Variants in DAB1 observed in about 807,000 individuals in gnomAD.
DAB1 encodes the protein DAB adaptor protein 1.
Under a neutral mutation model 64.6 loss-of-function variants are expected in DAB1, and 15 were observed. The observed-to-expected ratio is 0.23, with a 90% CI of 0.16 to 0.36. DAB1 has a LOEUF of 0.36. Ranked by LOEUF, DAB1 falls within the 10% of genes least tolerant of loss-of-function variation. The pLI is 1.00. For missense variants in DAB1, 596 were observed against 706.7 expected (o/e 0.84, Z 1.78); for synonymous variants, 235 against 251.9 (o/e 0.93, Z 0.64).
intron 4 of DAB1, among the ~76,000 whole-genome samples, chr1:57,124,180 C>A (rs1656919004): frequency 1.3e-5 from 2 of 152,114 alleles, no homozygotes; most frequent in Admixed American, 6.5e-5. Flanking sequence ...AAAAGATTCC[C>A]AAACATAAGA....
At chr1:58,441,896 C>T (rs1283880444) in intron 3 of DAB1, among the ~76,000 whole-genome samples, 1 of 152,142 alleles carries the variant, frequency 6.6e-6, no homozygotes, top group Non-Finnish European at 1.5e-5. Flanking sequence ...ACTGGGACCC[C>T]CCCAGAGAGA....
At chr1:58,417,301 G>A (rs903416899) in intron 3 of DAB1, among the ~76,000 whole-genome samples, 3 of 152,228 alleles carry the variant, frequency 2.0e-5, no homozygotes, top group Non-Finnish European at 4.4e-5. Flanking sequence ...TGATGCATCA[G>A]ACCTGGGAAA....
In DAB1 at chr1:57,244,860, C is replaced by T. The variant is rs537114769; in HGVS notation, c.67+46104G>A. Among the ~76,000 whole-genome samples the T allele has an allele frequency of 7.9e-5, 12 of 152,292 alleles. No homozygotes were observed. The South Asian group carries it at 1.9e-3, about 24-fold the overall frequency. ...TATAGTAGTCAATAAACTAACGTAG[C>T]GTTCTGATATGGTTTAACTCTGTGT... On this transcript the variant is annotated intron_variant, in intron 2 of 14. Transcript: ENST00000371236.
chr1:57,003,683 T>C (rs1383953420), intron 14 of DAB1, among the ~76,000 whole-genome samples: 2 of 152,140 alleles, frequency 1.3e-5, no homozygotes, highest in African/African-American at 4.8e-5. Context: ...CATTAAGCAA[T>C]TAACTCCCCA....
At chr1:57,813,702 G>T (rs1651730240) in intron 6 of DAB1, among the ~76,000 whole-genome samples, 3 of 152,188 alleles carry the variant, frequency 2.0e-5, no homozygotes, top group African/African-American at 7.2e-5. Flanking sequence ...ATGAAACAAT[G>T]GAGGAATAAC....
At chr1:57,852,422 C>T (rs767482066) in intron 1 of DAB1, among the ~76,000 whole-genome samples, 2 of 152,112 alleles carry the variant, frequency 1.3e-5, no homozygotes, top group Non-Finnish European at 2.9e-5. Context: ...TTCCACAGCT[C>T]CACATATTTC....
chr1:58,248,784 A>T (rs536424893), intron 4 of DAB1, among the ~76,000 whole-genome samples: 2 of 152,258 alleles, frequency 1.3e-5, no homozygotes, highest in South Asian at 2.1e-4. Context: ...AAACCCCGCC[A>T]GTCATTCCAA....
intron 6 of DAB1, among the ~76,000 whole-genome samples, chr1:57,663,284 T>C (rs1281347662): frequency 6.6e-6 from 1 of 152,160 alleles, no homozygotes; most frequent in Non-Finnish European, 1.5e-5. Flanking sequence ...GTCCACCCCA[T>C]GATCCAATCA....
chr1:57,516,294 C>T (rs1476083260), intron 7 of DAB1, among the ~76,000 whole-genome samples: 1 of 152,048 alleles, frequency 6.6e-6, no homozygotes, highest in African/African-American at 2.4e-5. Flanking sequence ...CTAATGTACA[C>T]ATTAACATGT....
At chr1:58,027,387 G>A (rs115797432) in intron 5 of DAB1, among the ~76,000 whole-genome samples, 1,638 of 152,076 alleles carry the variant, frequency 0.011, 10 homozygotes, top group Middle Eastern at 0.017. Context: ...TAAAATCTGA[G>A]GTTAAGTTCT....
chr1:58,344,626 G>T (rs559944941), intron 3 of DAB1, among the ~76,000 whole-genome samples: 23 of 152,296 alleles, frequency 1.5e-4, no homozygotes, highest in African/African-American at 5.3e-4. Flanking sequence ...ATAAAACTCT[G>T]CATATCAAGA....
chr1:57,755,483 A>G (rs1470876960), intron 6 of DAB1, among the ~76,000 whole-genome samples: 1 of 152,214 alleles, frequency 6.6e-6, no homozygotes, highest in East Asian at 1.9e-4. Flanking sequence ...GGTCGATCCC[A>G]CATGAATGAA....
Position 57,141,666 on chromosome 1 carries a change from G to A in DAB1, c.207+3624C>T, listed in dbSNP as rs531448580. On this transcript the variant is annotated intron_variant, in intron 3 of 14. Coordinates refer to ENST00000371236, the MANE Select transcript of DAB1 (RefSeq NM_001365792.1). ...CAGGACTCTGACTGACATACTTAAG[G>A]TTCTGCACTTAGCTCTCCAGGCACT... Among the ~76,000 whole-genome samples, 237 of 152,134 alleles carry A rather than the reference G, an allele frequency of 1.6e-3. 1 individual carries two copies. The highest frequency in any genetic ancestry group is 3.4e-3 in the Middle Eastern group (1 of 294).
intron 6 of DAB1, among the ~76,000 whole-genome samples, chr1:57,742,389 G>A (rs894734546): frequency 2.0e-5 from 3 of 152,170 alleles, no homozygotes; most frequent in African/African-American, 7.2e-5. Context: ...GGGATCAAAA[G>A]GATGGGGGAT....
chr1:57,076,082 G>A (rs1651961284), intron 4 of DAB1, among the ~76,000 whole-genome samples: 1 of 152,194 alleles, frequency 6.6e-6, no homozygotes, highest in South Asian at 2.1e-4. Context: ...TTTACTCTCA[G>A]GAATTGGCTG....
At chr1:58,508,224 T>C (rs952544715) in intron 2 of DAB1, among the ~76,000 whole-genome samples, 1 of 152,228 alleles carries the variant, frequency 6.6e-6, no homozygotes, top group Non-Finnish European at 1.5e-5. Context: ...AGTTTGTCTG[T>C]ACTTCTCAAA....
chr1:57,047,256 A>G (rs1432264699), intron 9 of DAB1, among the ~76,000 whole-genome samples: 1 of 152,140 alleles, frequency 6.6e-6, no homozygotes, highest in Admixed American at 6.5e-5. Context: ...AGCACAGTCC[A>G]TTGCTTGGTG....
chr1:57,720,024 A>G lies in DAB1; in HGVS notation n.552-70359T>C, dbSNP rs140424726. ...CTGTGAAATGTGGGGTTAGGCTTCA[A>G]TGGTTTCTCTGAGTTTCCGTCTGGA... On this transcript the variant is annotated intron_variant and non_coding_transcript_variant, in intron 6 of 20. Transcript: ENST00000485760. 4.2e-3 allele frequency among the ~76,000 whole-genome samples: 647 copies of G among 152,282 alleles called. 7 individuals are homozygous for G. The highest frequency in any genetic ancestry group is 0.015 in the African/African-American group (616 of 41,554).
At chr1:57,343,822 C>A (rs1052190164) in intron 1 of DAB1, among the ~76,000 whole-genome samples, 1 of 152,254 alleles carries the variant, frequency 6.6e-6, no homozygotes, top group African/African-American at 2.4e-5. Context: ...AGGGAGCTGG[C>A]TCTGGCCTTG....
Sources: allele counts gnomAD v4.1 joint callset (sites outside exome capture counted in the v4.1 genomes callset), GRCh38; gene constraint gnomAD v4.1.1; transcripts MANE v1.5; gene names NCBI Gene and HGNC (gene_info 2026-07-23, HGNC 2026-07-21).